The following CNTNAP5 variants were observed in gnomAD, a reference collection of about 807,000 sequenced individuals.
The protein encoded by CNTNAP5 is contactin-associated protein-like 5.
In CNTNAP5, 72 loss-of-function variants were observed where a neutral mutation model predicts 150.2. The ratio of observed to expected loss-of-function variants is 0.48; its 90% CI spans 0.40 to 0.58. The LOEUF (loss-of-function observed/expected upper bound fraction) is 0.58, where lower values mean the gene tolerates loss of function less well. Ranked by LOEUF, CNTNAP5 falls within the 20% of genes least tolerant of loss-of-function variation. The pLI is 0.00. For missense variants in CNTNAP5, 1,636 were observed against 1,626.2 expected (o/e 1.01, Z -0.10); for synonymous variants, 672 against 619.8 (o/e 1.08, Z -1.25).
At chr2:124,048,051 T>C (rs1424147021) in intron 1 of CNTNAP5, among the ~76,000 whole-genome samples, 1 of 152,216 alleles carries the variant, frequency 6.6e-6, no homozygotes, top group East Asian at 1.9e-4. Flanking sequence ...TTCATTTCTT[T>C]ATTTTATTTA....
At chr2:124,261,252 T>TA (rs1211304995) in intron 3 of CNTNAP5, among the ~76,000 whole-genome samples, 1 of 152,142 alleles carries the variant, frequency 6.6e-6, no homozygotes, top group Non-Finnish European at 1.5e-5. Context: ...TAGAGATATC[T>TA]AAAAATATAA....
chr2:124,826,724 G>A (rs1027244865), intron 19 of CNTNAP5, among the ~76,000 whole-genome samples: 2 of 151,938 alleles, frequency 1.3e-5, no homozygotes, highest in Non-Finnish European at 2.9e-5. Context: ...AACCCTCTAG[G>A]TGATCCTCCT....
rs547867952 is a variant in CNTNAP5, at chr2:124,389,989, TAAC to T, written c.382-27451_382-27449del. ...AAAATAATAATAGTAATAATAGTAA[TAAC>T]AATAATAATAATAATTTAAACAGCA... On this transcript the variant is annotated intron_variant, in intron 3 of 23. Coordinates refer to ENST00000682447, the MANE Select transcript of CNTNAP5 (RefSeq NM_001367498.1). Among the ~76,000 whole-genome samples, 311 of 103,944 alleles carry T rather than the reference TAAC, an allele frequency of 3.0e-3. 1 individual carries two copies. Among genetic ancestry groups the T allele is most frequent in the African/African-American group, 8.2e-3 (299 of 36,464 alleles). 68.2% of individuals were successfully genotyped at this position (103,944 alleles called of 152,430 possible).
intron 1 of CNTNAP5, among the ~76,000 whole-genome samples, chr2:124,184,912 T>C (rs1043331197): frequency 2.0e-5 from 3 of 152,146 alleles, no homozygotes; most frequent in Admixed American, 1.3e-4. Context: ...ACTGTTGTAA[T>C]AAAACATAGG....
At chr2:124,575,142 C>A (rs1452550094) in intron 11 of CNTNAP5, among the ~76,000 whole-genome samples, 1 of 152,090 alleles carries the variant, frequency 6.6e-6, no homozygotes, top group African/African-American at 2.4e-5. Context: ...ATGAGATGTA[C>A]AATGGTTTAA....
At chr2:124,442,719 TCAAA>T (rs1270447205) in intron 5 of CNTNAP5, among the ~76,000 whole-genome samples, 4 of 150,562 alleles carry the variant, frequency 2.7e-5, no homozygotes, top group South Asian at 2.1e-4. Flanking sequence ...AAAAAATCAA[TCAAA>T]CAAACAAAAA....
chr2:124,822,422 C>T (rs961368694), intron 19 of CNTNAP5, among the ~76,000 whole-genome samples: 2 of 152,144 alleles, frequency 1.3e-5, no homozygotes, highest in African/African-American at 4.8e-5. Flanking sequence ...AACATAATTA[C>T]AGTCATACTA....
At chr2:124,567,667 G>C (rs1044453482) in intron 11 of CNTNAP5, among the ~76,000 whole-genome samples, 6 of 152,092 alleles carry the variant, frequency 3.9e-5, no homozygotes, top group African/African-American at 1.4e-4. Flanking sequence ...CAGATACCAT[G>C]GTTATTAGTG....
intron 7 of CNTNAP5, among the ~76,000 whole-genome samples, chr2:124,501,560 G>A (rs536132821): frequency 1.8e-4 from 27 of 152,278 alleles, no homozygotes; most frequent in Middle Eastern, 3.4e-3. Context: ...CTCAAATGCC[G>A]TCTTGAGACA....
chr2:124,434,554 T>C lies in CNTNAP5; in HGVS notation c.600T>C (p.Thr200=). ...LYRFNQKLMS[T]LKDVISLKFK... Reference sequence around the variant, plus strand: ...GGTTCAATCAGAAGTTGATGAGTACTCTCAAAGATGTGATCTCCCTGAAGT... The same window carrying C: ...GGTTCAATCAGAAGTTGATGAGTACCCTCAAAGATGTGATCTCCCTGAAGT... Residue 200 remains threonine, a synonymous_variant, in exon 5 of 24, where the codon ACT becomes ACC. Coordinates refer to ENST00000682447, the MANE Select transcript of CNTNAP5 (RefSeq NM_001367498.1). The C allele has an allele frequency of 6.2e-7, 1 of 1,613,988 alleles. No homozygotes were observed. The highest frequency in any genetic ancestry group is 1.1e-5 in the South Asian group (1 of 91,088).
chr2:124,760,461 G>A (rs1342153711), intron 14 of CNTNAP5, among the ~76,000 whole-genome samples: 3 of 151,352 alleles, frequency 2.0e-5, no homozygotes, highest in Non-Finnish European at 4.4e-5. Context: ...ATGATACCCC[G>A]CCCCCACCAC....
intron 13 of CNTNAP5, among the ~76,000 whole-genome samples, chr2:124,717,928 A>G (rs1470646855): frequency 6.6e-6 from 1 of 152,196 alleles, no homozygotes; most frequent in Non-Finnish European, 1.5e-5. Context: ...CTAGATACCT[A>G]TTATGGGCAA....
rs1678298894 is a variant in CNTNAP5 at position 124,896,093 on chromosome 2, A to T, written c.3437-6789A>T. Among the ~76,000 whole-genome samples, 6 of 151,730 alleles carry T rather than the reference A, an allele frequency of 4.0e-5. No homozygotes were observed. In the South Asian group the frequency reaches 1.2e-3, roughly 31 times the overall value. ...TTTAGGTATCAAAATGCTGAGAATA[A>T]TGAAGAGGAATATTCCCTGTGCACT... On this transcript the variant is annotated intron_variant, in intron 21 of 23. Coordinates refer to ENST00000682447, the MANE Select transcript of CNTNAP5 (RefSeq NM_001367498.1).
At chr2:124,676,307 G>A (rs1041371164) in intron 13 of CNTNAP5, among the ~76,000 whole-genome samples, 3 of 152,044 alleles carry the variant, frequency 2.0e-5, no homozygotes, top group Non-Finnish European at 2.9e-5. Context: ...GGTTTTTTTG[G>A]TTATTTTCTG....
intron 19 of CNTNAP5, among the ~76,000 whole-genome samples, chr2:124,807,520 A>G (rs1276616487): frequency 1.3e-5 from 2 of 152,190 alleles, no homozygotes; most frequent in African/African-American, 2.4e-5. Flanking sequence ...CACAATGACT[A>G]TGGAGTCGGT....
intron 13 of CNTNAP5, among the ~76,000 whole-genome samples, chr2:124,713,318 CCTTTCTTTCTT>C (rs1679868927): frequency 2.7e-4 from 12 of 43,964 alleles, no homozygotes; most frequent in East Asian, 8.5e-4. Flanking sequence ...CTCTTTCTTT[CCTTTCTTTCTT>C]TCTTTCTTTC....
chr2:124,728,914 G>A (rs1446317675), intron 13 of CNTNAP5, among the ~76,000 whole-genome samples: 1 of 107,144 alleles, frequency 9.3e-6, no homozygotes, highest in Non-Finnish European at 2.4e-5. Flanking sequence ...ATTATCTGAT[G>A]TGAATTTCCA....
At chr2:124,081,597 A>G (rs1453258763) in intron 1 of CNTNAP5, among the ~76,000 whole-genome samples, 1 of 152,220 alleles carries the variant, frequency 6.6e-6, no homozygotes, top group Non-Finnish European at 1.5e-5. Context: ...ATGTGAATGA[A>G]TCAGCAGAAT....
At chr2:124,511,586 T>C (rs745861701) in intron 8 of CNTNAP5, among the ~76,000 whole-genome samples, 14 of 152,198 alleles carry the variant, frequency 9.2e-5, no homozygotes, top group Non-Finnish European at 1.6e-4. Flanking sequence ...TCTAGAATCA[T>C]GGATGCTCCC....
Sources: allele counts gnomAD v4.1 joint callset (sites outside exome capture counted in the v4.1 genomes callset), GRCh38; gene constraint gnomAD v4.1.1; transcripts MANE v1.5; gene names NCBI Gene and HGNC (gene_info 2026-07-23, HGNC 2026-07-21).